IFRD1: variants seen among roughly 807,000 people sequenced by gnomAD.
IFRD1 encodes interferon related developmental regulator 1, also known as interferon-related developmental regulator 1.
Under a neutral mutation model 52.9 loss-of-function variants are expected in IFRD1, and 35 were observed. The observed-to-expected ratio is 0.66, with a 90% CI of 0.51 to 0.88. The LOEUF is 0.88. IFRD1 is among the 40% of genes least tolerant of loss of function. The probability of loss-of-function intolerance (pLI) is 0.00; values close to 1 mark genes in which losing one functional copy is unlikely to be tolerated. For missense variants in IFRD1, 517 were observed against 550.8 expected, an observed-to-expected ratio of 0.94 and a Z score of 0.61; for synonymous variants, 184 against 188.4, an observed-to-expected ratio of 0.98 and a Z score of 0.19.
chr7:112,473,050 G>A (rs1041187128), intron 11 of IFRD1, among the ~76,000 whole-genome samples, 189 bp downstream of exon 11: 1 of 64,612 alleles, frequency 1.5e-5, no homozygotes, highest in East Asian at 3.1e-4. Context: ...GTGTGTGTGT[G>A]TGTGTGTGTG....
At chr7:112,460,179 T>A (rs1795399396) in intron 5 of IFRD1, among the ~76,000 whole-genome samples, 2 of 151,670 alleles carry the variant, frequency 1.3e-5, no homozygotes, top group South Asian at 2.1e-4. Flanking sequence ...TGTGAATTTT[T>A]AAAAAACCTT....
chr7:112,460,241 G>GTTTTTTTT (rs35314166), intron 5 of IFRD1, among the ~76,000 whole-genome samples: 6 of 92,968 alleles, frequency 6.5e-5, no homozygotes, highest in Non-Finnish European at 1.0e-4. Flanking sequence ...CAGTCCTAGG[G>GTTTTTTTT]TTTTTTTTTT....
chr7:112,461,104 T>G (rs1795421901), intron 5 of IFRD1, among the ~76,000 whole-genome samples: 1 of 152,126 alleles, frequency 6.6e-6, no homozygotes, highest in South Asian at 2.1e-4. Flanking sequence ...CAAAAGGCAA[T>G]TATATGATTC....
intron 1 of IFRD1, 81 bp downstream of exon 1, chr7:112,450,863 T>G: frequency 1.0e-6 from 1 of 965,776 alleles, no homozygotes; most frequent in Non-Finnish European, 1.7e-6. Flanking sequence ...GTGGGAGTTG[T>G]AGTTCTTTCT....
At chr7:112,456,136 G>T in intron 3 of IFRD1, 50 bp downstream of exon 3, 1 of 1,016,732 alleles carries the variant, frequency 9.8e-7, no homozygotes, top group Non-Finnish European at 1.6e-6. Flanking sequence ...CTTGATCTTA[G>T]TCAAAAGCTA....
intron 1 of IFRD1, among the ~76,000 whole-genome samples, chr7:112,445,062 CTTTTTTTTTTTTT>C (rs3057810): frequency 2.9e-5 from 3 of 102,696 alleles, no homozygotes; most frequent in Middle Eastern, 5.1e-3. Context: ...CCTAGGCTTT[CTTTTTTTTTTTTT>C]TTTTTTTTTG....
chr7:112,452,155 C>CTTT (rs11299789), intron 1 of IFRD1: 4 of 762,906 alleles, frequency 5.2e-6, no homozygotes, highest in Non-Finnish European at 6.3e-6. Context: ...ATTGAGGATA[C>CTTT]TTTTTTTTTT....
chr7:112,442,335 C>A (rs180881893), intron 1 of IFRD1, among the ~76,000 whole-genome samples: 68 of 152,328 alleles, frequency 4.5e-4, no homozygotes, highest in African/African-American at 1.5e-3. Flanking sequence ...TTAGCAGAGT[C>A]ATTTCTTTCT....
At chr7:112,469,988 C>A (rs1795706633) in intron 9 of IFRD1, among the ~76,000 whole-genome samples, 1 of 151,652 alleles carries the variant, frequency 6.6e-6, no homozygotes, top group Non-Finnish European at 1.5e-5. Flanking sequence ...TTCTGGAGCA[C>A]CCAGCTTCTC....
At chr7:112,429,688 C>T (rs1220951008) in intron 1 of IFRD1, among the ~76,000 whole-genome samples, 1 of 152,208 alleles carries the variant, frequency 6.6e-6, no homozygotes, top group African/African-American at 2.4e-5. Flanking sequence ...AAATGGGACT[C>T]ATGATATCAA....
chr7:112,426,669 C>G (rs933492113), intron 1 of IFRD1, among the ~76,000 whole-genome samples: 1 of 152,266 alleles, frequency 6.6e-6, no homozygotes, highest in Admixed American at 6.5e-5. Context: ...GTGGGATCCA[C>G]ACATGTCTCA....
At chr7:112,429,009 A>G (rs770494920) in intron 1 of IFRD1, among the ~76,000 whole-genome samples, 1 of 152,164 alleles carries the variant, frequency 6.6e-6, no homozygotes, top group Admixed American at 6.5e-5. Context: ...TCTCCCTACA[A>G]ATCTTTCTAG....
At position 112,462,387 on chromosome 7, in the gene IFRD1, C is replaced by A. The variant is rs747717578; in HGVS notation, c.906+9C>A. ...CCAGAGGAATAGAGAGTGTAAGTATCTAACTGGCAGAGGAAAAAGCTTGTG... is the reference window on the plus strand; with the variant it reads ...CCAGAGGAATAGAGAGTGTAAGTATATAACTGGCAGAGGAAAAAGCTTGTG... On this transcript the variant is annotated intron_variant, in intron 8 of 11. Coordinates refer to ENST00000403825, the MANE Select transcript of IFRD1 (RefSeq NM_001550.4). 6 of 1,567,360 alleles carry A rather than the reference C, an allele frequency of 3.8e-6. No individual in the cohort carries two copies. The highest frequency in any genetic ancestry group is 1.4e-5 in the African/African-American group (1 of 73,890).
upstream of IFRD1, among the ~76,000 whole-genome samples, chr7:112,446,692 G>C (rs578220755): frequency 6.6e-6 from 1 of 152,220 alleles, no homozygotes; most frequent in East Asian, 1.9e-4. Flanking sequence ...TGGGAAGCTC[G>C]GGTTGATCAT....
chr7:112,428,036 C>A (rs1794465774), intron 1 of IFRD1, among the ~76,000 whole-genome samples: 1 of 152,038 alleles, frequency 6.6e-6, no homozygotes, highest in Non-Finnish European at 1.5e-5. Context: ...AAAGGTGAGC[C>A]TGGTAAAGAG....
In IFRD1 at chr7:112,461,853, T is replaced by G; in HGVS notation, c.568-13T>G. 3 of 560,256 alleles carry G rather than the reference T, an allele frequency of 5.4e-6. No individual in the cohort carries two copies. The highest frequency in any genetic ancestry group is 7.5e-6 in the Non-Finnish European group (3 of 401,038). 34.7% of individuals were successfully genotyped at this position (560,256 alleles called of 1,614,324 possible). ...AATCATTAATGTCTATATATATATATTTTTTTTTTTAGTGTGCAACTTGCT... is the reference window on the plus strand; with the variant it reads ...AATCATTAATGTCTATATATATATAGTTTTTTTTTTAGTGTGCAACTTGCT... On this transcript the variant is annotated splice_polypyrimidine_tract_variant and intron_variant, in intron 5 of 11. Transcript: ENST00000403825.
intron 1 of IFRD1, among the ~76,000 whole-genome samples, chr7:112,423,816 T>C (rs1400827474): frequency 4.6e-5 from 7 of 152,162 alleles, no homozygotes; most frequent in African/African-American, 1.7e-4. Flanking sequence ...TGCTTTGTTA[T>C]CTCCATTTTT....
intron 1 of IFRD1, among the ~76,000 whole-genome samples, chr7:112,426,271 C>T (rs1312084966): frequency 6.6e-6 from 1 of 152,116 alleles, no homozygotes; most frequent in African/African-American, 2.4e-5. Flanking sequence ...CAGCTAGAAA[C>T]GATATTCTCC....
At chr7:112,452,206 C>A in intron 1 of IFRD1, 1 of 743,724 alleles carries the variant, frequency 1.3e-6, no homozygotes, top group Non-Finnish European at 1.6e-6. Context: ...GTCGCCCAGG[C>A]TGGAGTGCGG....
Sources: gnomAD v4.1 joint callset for allele counts (sites outside exome capture counted in the v4.1 genomes callset) on GRCh38, gnomAD v4.1.1 for gene constraint, MANE v1.5 for transcripts, NCBI Gene and HGNC (gene_info 2026-07-23, HGNC 2026-07-21) for gene names.